Variants in CYREN observed in about 807,000 individuals in gnomAD.
The protein encoded by CYREN is cell cycle regulator of NHEJ.
CYREN carries 7 observed loss-of-function variants against 9.7 expected under a neutral mutation model. The ratio of observed to expected loss-of-function variants is 0.72; its 90% CI spans 0.41 to 1.36. The LOEUF (loss-of-function observed/expected upper bound fraction) is 1.36. Ranked by LOEUF, CYREN falls within the 40% of genes most tolerant of loss-of-function variation. CYREN has a pLI of 0.01. For synonymous variants in CYREN, 76 were observed against 77.9 expected (o/e 0.98, Z 0.13); for missense variants, 215 against 198.1 (o/e 1.09, Z -0.51).
chr7:135,094,328 A>C (rs1822321785), exon 3 of CYREN: 4 of 455,986 alleles, frequency 8.8e-6, no homozygotes, highest in Non-Finnish European at 4.4e-6. Flanking sequence ...TACTACCCTG[A>C]AATCTGAAGA....
chr7:135,112,381 C>G (rs974940154), intron 2 of CYREN, among the ~76,000 whole-genome samples: 1 of 152,200 alleles, frequency 6.6e-6, no homozygotes, highest in African/African-American at 2.4e-5. Context: ...TTATTCCCAT[C>G]TCAGAGGATC....
intron 2 of CYREN, among the ~76,000 whole-genome samples, chr7:135,124,824 GA>G (rs1286562075): frequency 3.9e-5 from 6 of 152,164 alleles, no homozygotes; most frequent in African/African-American, 1.4e-4. Context: ...AATTAAAGCA[GA>G]AATCAAGAAG....
At chr7:135,153,222 A>C (rs1234780139) in intron 2 of CYREN, 1 of 152,270 alleles carries the variant, frequency 6.6e-6, no homozygotes, top group Non-Finnish European at 1.5e-5. Flanking sequence ...TTCAGAGGCC[A>C]AGGTGGGCAG....
chr7:135,128,697 G>T, intron 2 of CYREN: 2 of 1,333,332 alleles, frequency 1.5e-6, no homozygotes, highest in South Asian at 1.2e-5. Context: ...CTCTCCTTTT[G>T]AGCTCAAGAT....
intron 2 of CYREN, among the ~76,000 whole-genome samples, chr7:135,143,594 C>T (rs922910570): frequency 2.0e-5 from 3 of 152,086 alleles, no homozygotes; most frequent in African/African-American, 4.8e-5. Flanking sequence ...CTGTACCTTC[C>T]TCTCAATTTT....
intron 2 of CYREN, among the ~76,000 whole-genome samples, chr7:135,131,380 A>G (rs1315624833): frequency 1.3e-5 from 2 of 152,150 alleles, no homozygotes; most frequent in Non-Finnish European, 2.9e-5. Flanking sequence ...ACCATAGCAC[A>G]CATATACCTA....
intron 2 of CYREN, chr7:135,135,299 A>C (rs1333663582): frequency 1.4e-6 from 2 of 1,436,500 alleles, no homozygotes; most frequent in Non-Finnish European, 1.8e-6. Context: ...TGAATGAAGG[A>C]TAACATATGC....
chr7:135,148,883 A>T (rs1178522323), intron 2 of CYREN, among the ~76,000 whole-genome samples: 1 of 152,180 alleles, frequency 6.6e-6, no homozygotes, highest in Non-Finnish European at 1.5e-5. Flanking sequence ...GCATATTTTA[A>T]GAGATTTTTT....
downstream of CYREN, chr7:135,164,388 G>A (rs1054922539): frequency 9.8e-6 from 15 of 1,523,634 alleles, no homozygotes; most frequent in East Asian, 3.2e-4. Context: ...GCAAGGGAGA[G>A]ATGGACTGAC....
chr7:135,164,849 C>T (rs1830050758), downstream of CYREN: 3 of 1,614,006 alleles, frequency 1.9e-6, no homozygotes, highest in Non-Finnish European at 2.5e-6. Flanking sequence ...TCTTCCTCTC[C>T]TATGTGTGGA....
At chr7:135,147,505 T>C (rs1829569885) in intron 2 of CYREN, among the ~76,000 whole-genome samples, 1 of 152,174 alleles carries the variant, frequency 6.6e-6, no homozygotes, top group Non-Finnish European at 1.5e-5. Context: ...GGAGCCCCAA[T>C]GCTTACAAAA....
At chr7:135,148,209 C>G in intron 2 of CYREN, 1 of 426,466 alleles carries the variant, frequency 2.3e-6, no homozygotes, top group South Asian at 1.6e-5. Flanking sequence ...TTCAAACAAC[C>G]AACCCTGATT....
intron 2 of CYREN, among the ~76,000 whole-genome samples, chr7:135,125,486 C>A (rs1827749324): frequency 6.6e-6 from 1 of 152,182 alleles, no homozygotes; most frequent in Non-Finnish European, 1.5e-5. Flanking sequence ...TGGTACCATT[C>A]CTTCTGAAAC....
chr7:135,097,006 A>G lies in CYREN; in HGVS notation n.357-2424T>C, dbSNP rs117269139. On this transcript the variant is annotated intron_variant and non_coding_transcript_variant, in intron 2 of 2. Transcript: ENST00000459937. ...CAAGCAAGTACTTCTAAATCAATTG[A>G]AAGTGTTTTTATGACCCAAGAAGAT... Among the ~76,000 whole-genome samples, 729 of 152,304 alleles carry G rather than the reference A, an allele frequency of 4.8e-3. 5 individuals are homozygous for G. Among genetic ancestry groups the G allele is most frequent in the Non-Finnish European group, 6.6e-3 (449 of 68,012 alleles).
chr7:135,106,847 AT>A (rs1174799753), intron 2 of CYREN, among the ~76,000 whole-genome samples: 3 of 151,866 alleles, frequency 2.0e-5, no homozygotes, highest in African/African-American at 7.3e-5. Context: ...TTGTCCTGGG[AT>A]TTTTTTGGAT....
chr7:135,170,641 C>G lies in CYREN; in HGVS notation c.-139+11G>C, dbSNP rs1010541609. 6.6e-6 allele frequency: 1 copy of G among 152,304 alleles called. No individual in the cohort carries two copies. Among genetic ancestry groups the G allele is most frequent in the East Asian group, 1.9e-4 (1 of 5,194 alleles). The allele number at this position is 152,304 out of a possible 1,614,324, so 9.4% of individuals were successfully genotyped here. ...GGCAAATTCCAAGCGGTTGTGGGAC[C>G]CACGCCTCACCCGGAACTTTAAGCC... On this transcript the variant is annotated intron_variant, in intron 1 of 3. Transcript: ENST00000393114.
chr7:135,151,699 A>G lies in CYREN; in HGVS notation n.356+17050T>C, dbSNP rs1265535814. Among the ~76,000 whole-genome samples the G allele has an allele frequency of 3.3e-5, 5 of 152,216 alleles. No homozygotes were observed. Among genetic ancestry groups the G allele is most frequent in the Admixed American group, 2.6e-4 (4 of 15,288 alleles). On this transcript the variant is annotated intron_variant and non_coding_transcript_variant, in intron 2 of 2. Coordinates refer to the CYREN transcript ENST00000459937. The surrounding 1 kb of genome is among the most constrained non-coding windows in gnomAD (Gnocchi z 4.3). ...GTGAGTGAACTTCCTTCAGTCTCAC[A>G]ACAGCCCATGAGGAACGTGACAACT...
downstream of CYREN, among the ~76,000 whole-genome samples, chr7:135,162,211 C>T (rs924359177): frequency 6.6e-6 from 1 of 152,180 alleles, no homozygotes; most frequent in African/African-American, 2.4e-5. Context: ...GGGAGCTGTT[C>T]CCCCAGAGGG....
intron 2 of CYREN, among the ~76,000 whole-genome samples, chr7:135,145,647 T>TA (rs1308815638): frequency 1.3e-5 from 2 of 152,088 alleles, no homozygotes; most frequent in African/African-American, 4.8e-5. Flanking sequence ...ACAAACTTTT[T>TA]AAAAAAAGCA....
Sources: allele counts gnomAD v4.1 joint callset (sites outside exome capture counted in the v4.1 genomes callset), GRCh38; gene constraint gnomAD v4.1.1; non-coding constraint Gnocchi (gnomAD v3.1); transcripts MANE v1.5; gene names NCBI Gene and HGNC (gene_info 2026-07-23, HGNC 2026-07-21).